Variants in SNX29 observed in about 807,000 individuals in gnomAD.
SNX29 encodes the protein sorting nexin-29.
Under a neutral mutation model 102.1 loss-of-function variants are expected in SNX29, and 78 were observed. That is an observed-to-expected ratio of 0.76 (90% confidence interval 0.64 to 0.92). SNX29 has a LOEUF of 0.92. SNX29 is among the 40% of genes least tolerant of loss of function. The pLI, the probability that SNX29 is intolerant of heterozygous loss-of-function variation, is 0.00. For synonymous variants in SNX29, 580 were observed against 414.5 expected, an observed-to-expected ratio of 1.40 and a Z score of -4.85; for missense variants, 1,280 against 1,061.7, an observed-to-expected ratio of 1.21 and a Z score of -2.86.
At chr16:12,346,964 G>A (rs995068065) in intron 15 of SNX29, among the ~76,000 whole-genome samples, 1 of 152,184 alleles carries the variant, frequency 6.6e-6, no homozygotes, top group Non-Finnish European at 1.5e-5. Context: ...GTGGCCAAGC[G>A]ATGACGGTCA....
chr16:12,538,758 C>G (rs190989638), intron 20 of SNX29, among the ~76,000 whole-genome samples: 62 of 152,274 alleles, frequency 4.1e-4, no homozygotes, highest in African/African-American at 1.4e-3. Flanking sequence ...TGGGTATCAT[C>G]CAAGCTGTGA....
At chr16:12,248,772 T>C (rs890238479) in intron 14 of SNX29, among the ~76,000 whole-genome samples, 1 of 151,914 alleles carries the variant, frequency 6.6e-6, no homozygotes, top group African/African-American at 2.4e-5. Flanking sequence ...ATGGCACTTC[T>C]GGCACTGCTT....
At chr16:12,519,735 T>G (rs951288696) in intron 19 of SNX29, among the ~76,000 whole-genome samples, 1 of 152,230 alleles carries the variant, frequency 6.6e-6, no homozygotes. Flanking sequence ...ACACCTGTAA[T>G]TCCAGCACTT....
At chr16:12,390,017 T>C (rs1255163120) in intron 16 of SNX29, among the ~76,000 whole-genome samples, 3 of 152,180 alleles carry the variant, frequency 2.0e-5, no homozygotes, top group African/African-American at 7.2e-5. Flanking sequence ...AGTTCTATAT[T>C]GGTAGCTTCA....
At chr16:12,282,499 C>T (rs2079466712) in intron 15 of SNX29, among the ~76,000 whole-genome samples, 1 of 152,176 alleles carries the variant, frequency 6.6e-6, no homozygotes, top group Non-Finnish European at 1.5e-5. Context: ...ATTGCCCAAC[C>T]CATCTCCAGC....
intron 8 of SNX29, among the ~76,000 whole-genome samples, chr16:12,060,435 A>G (rs2050722499): frequency 6.6e-6 from 1 of 152,146 alleles, no homozygotes; most frequent in African/African-American, 2.4e-5. Flanking sequence ...TCACAAAAAA[A>G]CAAAACAAAA....
At position 12,042,500 on chromosome 16, in the gene SNX29, C is replaced by T. The variant is rs559174935; in HGVS notation, c.248-397C>T. Among the ~76,000 whole-genome samples the T allele has an allele frequency of 2.6e-5, 4 of 152,284 alleles. No individual in the cohort carries two copies. In the South Asian group the frequency reaches 6.2e-4, roughly 24 times the overall value. ...CTCCCTCTCTACTCTCTCTAGCAGC[C>T]CCCAGTGTCTGTTGTTTGCCATCTT... On this transcript the variant is annotated intron_variant, in intron 4 of 20. Transcript: ENST00000566228.
chr16:12,448,072 G>T, intron 18 of SNX29, among the ~76,000 whole-genome samples: 1 of 152,188 alleles, frequency 6.6e-6, no homozygotes, highest in East Asian at 1.9e-4. Context: ...CCTGTGTCTC[G>T]CAGTGGCCCC....
intron 13 of SNX29, among the ~76,000 whole-genome samples, chr16:12,198,607 T>C (rs1193361417): frequency 6.6e-6 from 1 of 152,202 alleles, no homozygotes; most frequent in Non-Finnish European, 1.5e-5. Flanking sequence ...AAGAGGCACC[T>C]CCCTCTGGTA....
At chr16:12,068,951 G>C (rs187647113) in intron 9 of SNX29, 106 bp from the exon 10 acceptor site, 2 of 1,055,960 alleles carry the variant, frequency 1.9e-6, no homozygotes, top group African/African-American at 1.6e-5. Flanking sequence ...AAATTTCTTA[G>C]TCAAGTGATG....
intron 14 of SNX29, among the ~76,000 whole-genome samples, chr16:12,209,897 C>G (rs929728530): frequency 6.6e-6 from 1 of 152,196 alleles, no homozygotes; most frequent in Non-Finnish European, 1.5e-5. Flanking sequence ...CCATCTGACT[C>G]TGCGTGGGGC....
At position 12,493,461 on chromosome 16, in the gene SNX29, T is replaced by C. The variant is rs370777259; in HGVS notation, c.2178+15602T>C. Among the ~76,000 whole-genome samples the C allele has an allele frequency of 1.1e-3, 168 of 152,362 alleles. 6 individuals are homozygous for C. The South Asian group carries it at 0.032, about 29-fold the overall frequency. On this transcript the variant is annotated intron_variant, in intron 19 of 20. Transcript: ENST00000566228. ...CTGAGACGATGGGGTTTTCTAGATA[T>C]ACAATCATGTCATCTGCAAACAGGG...
chr16:12,133,669 A>G (rs2054556268), intron 13 of SNX29, among the ~76,000 whole-genome samples: 2 of 152,216 alleles, frequency 1.3e-5, no homozygotes, highest in Admixed American at 6.5e-5. Context: ...ACGAGAGACC[A>G]TGTATTGGCT....
chr16:12,447,053 G>A (rs1019980041), intron 18 of SNX29, among the ~76,000 whole-genome samples: 3 of 150,496 alleles, frequency 2.0e-5, no homozygotes, highest in Non-Finnish European at 4.4e-5. Context: ...TGTAGTCCCA[G>A]CTACTTGGGA....
At chr16:12,399,579 C>G (rs1798855833) in intron 17 of SNX29, among the ~76,000 whole-genome samples, 1 of 152,192 alleles carries the variant, frequency 6.6e-6, no homozygotes, top group Admixed American at 6.5e-5. Context: ...AGGCATCAGT[C>G]CAGCCATTTG....
chr16:12,002,461 AAAG>A (rs1185104708), intron 2 of SNX29, among the ~76,000 whole-genome samples: 1 of 152,010 alleles, frequency 6.6e-6, no homozygotes, highest in Non-Finnish European at 1.5e-5. Context: ...AAAAAAAAAA[AAAG>A]GAGTAGCCTG....
In SNX29 at chr16:12,409,035, T is replaced by C. The variant is rs147854554; in HGVS notation, c.2037+5506T>C. On this transcript the variant is annotated intron_variant, in intron 18 of 20. Coordinates refer to ENST00000566228, the MANE Select transcript of SNX29 (RefSeq NM_032167.5). ...CCTGAGAGGGAGCTGAGGTGTGTTA[T>C]GCCACTGAAAATAAGAAATGGCGGC... Among the ~76,000 whole-genome samples, 607 of 152,334 alleles carry C rather than the reference T, an allele frequency of 4.0e-3. 3 individuals are homozygous for C. Among genetic ancestry groups the C allele is most frequent in the African/African-American group, 0.014 (579 of 41,570 alleles).
At chr16:12,324,772 G>A (rs958035379) in intron 15 of SNX29, among the ~76,000 whole-genome samples, 2 of 151,980 alleles carry the variant, frequency 1.3e-5, no homozygotes, top group African/African-American at 4.8e-5. Flanking sequence ...GCTGACAAAC[G>A]GGCCTCCTGA....
intron 3 of SNX29, among the ~76,000 whole-genome samples, chr16:12,014,507 C>T (rs971428758): frequency 1.3e-5 from 2 of 151,880 alleles, no homozygotes; most frequent in Admixed American, 6.6e-5. Context: ...CCGAGGAGCA[C>T]AGATCACCTG....
Sources: gnomAD v4.1 joint callset for allele counts (sites outside exome capture counted in the v4.1 genomes callset) on GRCh38, gnomAD v4.1.1 for gene constraint, MANE v1.5 for transcripts, NCBI Gene and HGNC (gene_info 2026-07-23, HGNC 2026-07-21) for gene names.